MIPEP: variants seen among roughly 807,000 people sequenced by gnomAD.
MIPEP encodes mitochondrial intermediate peptidase.
MIPEP carries 79 observed loss-of-function variants against 90.3 expected under a neutral mutation model. The ratio of observed to expected loss-of-function variants is 0.87; its 90% CI spans 0.73 to 1.05. MIPEP has a LOEUF of 1.05. MIPEP is among the 50% of genes least tolerant of loss of function. MIPEP has a pLI of 0.00. For synonymous variants in MIPEP, 334 were observed against 315.8 expected, an observed-to-expected ratio of 1.06 and a Z score of -0.61; for missense variants, 940 against 905.6, an observed-to-expected ratio of 1.04 and a Z score of -0.49.
intron 18 of MIPEP, among the ~76,000 whole-genome samples, chr13:23,750,913 G>C (rs569675458): frequency 6.6e-6 from 1 of 152,284 alleles, no homozygotes; most frequent in East Asian, 1.9e-4. Context: ...GATGACACAT[G>C]CGCCCATCAC....
intron 18 of MIPEP, among the ~76,000 whole-genome samples, chr13:23,755,176 G>A (rs1055024286): frequency 3.3e-5 from 5 of 152,196 alleles, no homozygotes; most frequent in African/African-American, 1.2e-4. Flanking sequence ...GGCTGTGTCA[G>A]CATGCACACT....
chr13:23,792,411 T>C (rs76484838), intron 16 of MIPEP, among the ~76,000 whole-genome samples: 15,950 of 152,272 alleles, frequency 0.1, 989 homozygotes, highest in Non-Finnish European at 0.14. Context: ...TCTTTATTTT[T>C]TGAGGCAGGG....
rs1307798826 is a variant in MIPEP, at chr13:23,869,321, G to A, written c.914C>T (p.Ala305Val). 1.2e-6 allele frequency: 2 copies of A among 1,611,292 alleles called. No individual in the cohort carries two copies. Among genetic ancestry groups the A allele is most frequent in the Admixed American group, 3.4e-5 (2 of 59,160 alleles). Residue 305 changes from alanine to valine, a missense_variant, in exon 7 of 19, where the codon GCT (alanine) becomes GTT (valine). Transcript: ENST00000382172. ...ATTTTTAGCTATCGTTCCTTGGAGA[G>A]CCCTGTGAGAAAACGTGGAATACCC... ...LVGYSTFSHR[A>V]LQGTIAKNPE...
At chr13:23,754,707 C>G (rs1156550284) in intron 18 of MIPEP, among the ~76,000 whole-genome samples, 1 of 152,148 alleles carries the variant, frequency 6.6e-6, no homozygotes, top group Non-Finnish European at 1.5e-5. Flanking sequence ...GCAGCATGGC[C>G]TGGGAAAGGA....
chr13:23,859,770 T>C (rs1170509409), intron 9 of MIPEP, among the ~76,000 whole-genome samples: 1 of 152,226 alleles, frequency 6.6e-6, no homozygotes, highest in East Asian at 1.9e-4. Context: ...TATCTGGCAT[T>C]GAGTAAGGGC....
intron 18 of MIPEP, among the ~76,000 whole-genome samples, chr13:23,731,645 A>AT (rs1225881818): frequency 2.6e-5 from 4 of 152,234 alleles, no homozygotes; most frequent in Non-Finnish European, 5.9e-5. Flanking sequence ...TTTCATCAAA[A>AT]TTTAAAATGT....
chr13:23,856,353 G>C (rs1870047111), intron 10 of MIPEP, among the ~76,000 whole-genome samples: 1 of 152,218 alleles, frequency 6.6e-6, no homozygotes, highest in Admixed American at 6.5e-5. Context: ...AAGAGCAGCG[G>C]TGGAAGAAAA....
At chr13:23,781,371 G>A (rs1048065293) in intron 16 of MIPEP, among the ~76,000 whole-genome samples, 2 of 152,084 alleles carry the variant, frequency 1.3e-5, no homozygotes, top group Non-Finnish European at 2.9e-5. Flanking sequence ...ATAAGTGAAG[G>A]AGAAATAAAA....
chr13:23,882,972 T>C (rs1419823373), intron 2 of MIPEP, among the ~76,000 whole-genome samples: 1 of 152,102 alleles, frequency 6.6e-6, no homozygotes, highest in Non-Finnish European at 1.5e-5. Flanking sequence ...AGGAAAACAG[T>C]TGTTACATAA....
intron 3 of MIPEP, 137 bp from the exon 4 acceptor site, chr13:23,879,491 A>G (rs941983447): frequency 3.5e-6 from 2 of 572,436 alleles, no homozygotes; most frequent in Non-Finnish European, 6.1e-6. Flanking sequence ...GAACAGTGTA[A>G]CCATCCTTCC....
intron 16 of MIPEP, among the ~76,000 whole-genome samples, chr13:23,762,684 A>C (rs1952560171): frequency 6.6e-6 from 1 of 152,164 alleles, no homozygotes; most frequent in Non-Finnish European, 1.5e-5. Context: ...TGGGCCTGTA[A>C]TGGGGCAGCC....
intron 16 of MIPEP, among the ~76,000 whole-genome samples, chr13:23,789,364 T>G (rs1238636227): frequency 1.3e-5 from 2 of 152,356 alleles, no homozygotes; most frequent in African/African-American, 4.8e-5. Flanking sequence ...TATAGAAGCC[T>G]TTTTTAATGG....
intron 14 of MIPEP, among the ~76,000 whole-genome samples, chr13:23,812,368 G>T (rs1205408129): frequency 6.6e-6 from 1 of 152,066 alleles, no homozygotes; most frequent in Non-Finnish European, 1.5e-5. Flanking sequence ...GCAAAGGGCA[G>T]GAAAGAACAG....
chr13:23,860,467 A>G (rs2137499680), intron 9 of MIPEP, among the ~76,000 whole-genome samples: 1 of 152,198 alleles, frequency 6.6e-6, no homozygotes, highest in East Asian at 1.9e-4. Context: ...ATTAGGAGAG[A>G]GCAAAGAACA....
chr13:23,853,270 C>A lies in MIPEP; in HGVS notation c.1106+5590G>T, dbSNP rs148731834. 4.3e-3 allele frequency among the ~76,000 whole-genome samples: 656 copies of A among 152,270 alleles called. 2 individuals carry two copies. Among genetic ancestry groups the A allele is most frequent in the African/African-American group, 0.015 (629 of 41,546 alleles). Reference sequence around the variant, plus strand: ...TCACCACCACTCACTCACAGACTCACCCAGAGCAACTTCCAGTCCTGCAAG... The same window carrying A: ...TCACCACCACTCACTCACAGACTCAACCAGAGCAACTTCCAGTCCTGCAAG... On this transcript the variant is annotated intron_variant, in intron 10 of 18. Transcript: ENST00000382172.
chr13:23,734,400 G>A (rs1282047536), intron 18 of MIPEP, among the ~76,000 whole-genome samples: 1 of 152,148 alleles, frequency 6.6e-6, no homozygotes, highest in African/African-American at 2.4e-5. Context: ...ACATCATTTT[G>A]GTGCGTTGGC....
rs1869212891 is a variant in MIPEP at position 23,839,721 on chromosome 13, A to C, written c.1266T>G (p.Val422=). The C allele has an allele frequency of 6.2e-7, 1 of 1,606,746 alleles. No individual in the cohort carries two copies. Among genetic ancestry groups the C allele is most frequent in the African/African-American group, 1.3e-5 (1 of 74,574 alleles). The change falls in exon 12 of 19, where the codon GTT becomes GTG. Residue 422 remains valine, a synonymous_variant. Coordinates refer to ENST00000382172, the MANE Select transcript of MIPEP (RefSeq NM_005932.4). ...CCAACAATCCTTCAGATTCATGAACAACAGCCTAGAAAAAAAAATTTAAAT... is the reference window on the plus strand; with the variant it reads ...CCAACAATCCTTCAGATTCATGAACCACAGCCTAGAAAAAAAAATTTAAAT... ...VWSEDVRKLA[V]VHESEGLLGY... is the part of the protein sequence containing the mutation.
In MIPEP at chr13:23,879,304, T is replaced by G. The variant is rs371524906; in HGVS notation, c.503A>C (p.Asp168Ala). Residue 168 changes from aspartate to alanine, a missense_variant, in exon 4 of 19, where the codon GAT becomes GCT. Physicochemically the swap from Asp to Ala is moderately radical, Grantham distance 126. Transcript: ENST00000382172. ...ATCAAGGGAATCCACAAGTTTTTTA[T>G]CAGCTAGTAATTTTTGCAAACTTTG... The part of the protein sequence containing the change: ...LYQSLQKLLA[D>A]KKLVDSLDPE... The G allele has an allele frequency of 6.0e-5, 97 of 1,607,488 alleles. 1 individual carries two copies. The South Asian group carries it at 1.0e-3, about 17-fold the overall frequency.
intron 16 of MIPEP, among the ~76,000 whole-genome samples, chr13:23,785,687 G>A (rs1228568538): frequency 6.6e-6 from 1 of 151,282 alleles, no homozygotes; most frequent in East Asian, 1.9e-4. Flanking sequence ...GGTGTATGAG[G>A]GACTTCTAAG....
Sources: allele counts gnomAD v4.1 joint callset (sites outside exome capture counted in the v4.1 genomes callset), GRCh38; gene constraint gnomAD v4.1.1; transcripts MANE v1.5; gene names NCBI Gene and HGNC (gene_info 2026-07-23, HGNC 2026-07-21).